Variants in HS3ST5 observed in about 807,000 individuals in gnomAD.
HS3ST5 encodes heparan sulfate-glucosamine 3-sulfotransferase 5.
A neutral mutation model predicts 25.4 loss-of-function variants in HS3ST5; 10 were observed. That is an observed-to-expected ratio of 0.39 (90% CI 0.24 to 0.67). The LOEUF is 0.67. Among genes scored for constraint, HS3ST5 ranks in the 30% least tolerant of loss-of-function variants. The pLI is 0.44. For missense variants in HS3ST5, 324 were observed against 420.7 expected (o/e 0.77, Z 2.01); for synonymous variants, 170 against 162.4 (o/e 1.05, Z -0.36).
chr6:114,245,760 CCA>C (rs1772349071), intron 1 of HS3ST5, among the ~76,000 whole-genome samples: 1 of 152,094 alleles, frequency 6.6e-6, no homozygotes, highest in Admixed American at 6.5e-5. Flanking sequence ...CAGCAGACTC[CCA>C]GAGTCCTAGG....
At chr6:114,130,551 A>G (rs1777275076) in intron 3 of HS3ST5, among the ~76,000 whole-genome samples, 1 of 152,088 alleles carries the variant, frequency 6.6e-6, no homozygotes. Context: ...CAGCCTGGGA[A>G]ATACAGACCC....
chr6:114,084,601 G>C (rs1774684218), intron 3 of HS3ST5: 2 of 778,294 alleles, frequency 2.6e-6, no homozygotes, highest in Admixed American at 1.7e-5. Flanking sequence ...GTGCAGAGGA[G>C]AATTGTTACA....
intron 3 of HS3ST5, among the ~76,000 whole-genome samples, chr6:114,085,966 G>A (rs562970082): frequency 3.7e-4 from 49 of 131,962 alleles, no homozygotes; most frequent in Middle Eastern, 0.011. Context: ...CCACTTAGAG[G>A]AAAAACTTCT....
At chr6:114,266,482 G>A (rs1285520356) in intron 1 of HS3ST5, among the ~76,000 whole-genome samples, 1 of 152,188 alleles carries the variant, frequency 6.6e-6, no homozygotes, top group East Asian at 1.9e-4. Context: ...CTAACTCTCT[G>A]TATCAGTTGT....
At chr6:114,174,600 C>T (rs1163832870) in intron 2 of HS3ST5, among the ~76,000 whole-genome samples, 5 of 152,122 alleles carry the variant, frequency 3.3e-5, no homozygotes, top group Admixed American at 2.0e-4. Flanking sequence ...TTACCAAAGT[C>T]GATATGGGTT....
chr6:114,196,350 A>G (rs777575816), intron 2 of HS3ST5, among the ~76,000 whole-genome samples: 23 of 152,252 alleles, frequency 1.5e-4, no homozygotes, highest in Non-Finnish European at 2.1e-4. Context: ...TGTTTTGCCT[A>G]TGAATTGGGG....
intron 2 of HS3ST5, among the ~76,000 whole-genome samples, chr6:114,175,561 T>C (rs1779685479): frequency 6.6e-6 from 1 of 152,152 alleles, no homozygotes; most frequent in Non-Finnish European, 1.5e-5. Flanking sequence ...ACTGCTTCTA[T>C]ATTTCACAAA....
At chr6:114,075,287 C>T (rs1033248679) in intron 3 of HS3ST5, among the ~76,000 whole-genome samples, 3 of 152,198 alleles carry the variant, frequency 2.0e-5, no homozygotes, top group Admixed American at 6.5e-5. Flanking sequence ...AAGGAAGAAT[C>T]GCTACAAAGG....
intron 1 of HS3ST5, among the ~76,000 whole-genome samples, chr6:114,267,357 G>A (rs1773450390): frequency 6.6e-6 from 1 of 152,146 alleles, no homozygotes; most frequent in Non-Finnish European, 1.5e-5. Context: ...ATGACAAGAA[G>A]CACCAATAAA....
chr6:114,298,928 G>A (rs1774946392), intron 1 of HS3ST5, among the ~76,000 whole-genome samples: 1 of 152,076 alleles, frequency 6.6e-6, no homozygotes, highest in Non-Finnish European at 1.5e-5. Context: ...ACAAATTGTA[G>A]AGCATGCGTG....
chr6:114,171,545 G>T, intron 2 of HS3ST5, among the ~76,000 whole-genome samples: 1 of 152,102 alleles, frequency 6.6e-6, no homozygotes. Context: ...GATGATGATT[G>T]CTATAATTTA....
intron 1 of HS3ST5, among the ~76,000 whole-genome samples, chr6:114,340,316 C>A (rs1257514123): frequency 6.6e-6 from 1 of 152,140 alleles, no homozygotes; most frequent in Non-Finnish European, 1.5e-5. Context: ...GCTTACATAC[C>A]TATTTGAAAA....
intron 3 of HS3ST5, among the ~76,000 whole-genome samples, chr6:114,115,553 C>A (rs531832312): frequency 2.0e-5 from 3 of 151,490 alleles, no homozygotes; most frequent in African/African-American, 7.3e-5. Context: ...CAGATTGAAT[C>A]CCACTGGCCC....
At chr6:114,100,990 T>C (rs1289908875) in intron 3 of HS3ST5, among the ~76,000 whole-genome samples, 3 of 152,222 alleles carry the variant, frequency 2.0e-5, no homozygotes, top group Non-Finnish European at 4.4e-5. Context: ...CAAGGGTCAC[T>C]AGTAATTGGC....
intron 3 of HS3ST5, among the ~76,000 whole-genome samples, chr6:114,107,925 A>G (rs890494355): frequency 6.6e-6 from 1 of 152,176 alleles, no homozygotes; most frequent in Non-Finnish European, 1.5e-5. Flanking sequence ...TCCTTATATT[A>G]ATTTATAGAT....
At chr6:114,285,276 A>G (rs1774289317) in intron 1 of HS3ST5, among the ~76,000 whole-genome samples, 1 of 151,960 alleles carries the variant, frequency 6.6e-6, no homozygotes, top group Admixed American at 6.6e-5. Flanking sequence ...AGCAACATAC[A>G]CTGGGGCCTA....
chr6:114,109,274 A>G (rs58780514), intron 3 of HS3ST5, among the ~76,000 whole-genome samples: 12,932 of 150,604 alleles, frequency 0.086, 599 homozygotes, highest in East Asian at 0.13. Flanking sequence ...GTGTGTGTGT[A>G]TATATATATA....
At chr6:114,203,916 C>A (rs1238513637) in intron 2 of HS3ST5, among the ~76,000 whole-genome samples, 4 of 152,102 alleles carry the variant, frequency 2.6e-5, no homozygotes, top group African/African-American at 9.7e-5. Flanking sequence ...CAAGAGGAAC[C>A]CATTGGGCAG....
intron 3 of HS3ST5, among the ~76,000 whole-genome samples, chr6:114,146,369 A>G (rs181080545): frequency 1.2e-4 from 19 of 152,346 alleles, no homozygotes; most frequent in Admixed American, 2.0e-4. Flanking sequence ...TCGTTAAAGA[A>G]AGTAGAAGTC....
Sources: gnomAD v4.1 joint callset for allele counts (sites outside exome capture counted in the v4.1 genomes callset) on GRCh38, gnomAD v4.1.1 for gene constraint, MANE v1.5 for transcripts, NCBI Gene and HGNC (gene_info 2026-07-23, HGNC 2026-07-21) for gene names.